Variants in DLG2 observed in about 807,000 individuals in gnomAD.
The protein encoded by DLG2 is discs large MAGUK scaffold protein 2, also known as disks large homolog 2.
A neutral mutation model predicts 132.5 loss-of-function variants in DLG2; 45 were observed. The observed-to-expected ratio is 0.34, with a 90% CI of 0.27 to 0.44. DLG2 has a LOEUF of 0.44. Ranked by LOEUF, DLG2 falls within the 20% of genes least tolerant of loss-of-function variation. The pLI, the probability that DLG2 is intolerant of heterozygous loss-of-function variation, is 1.00. For missense variants in DLG2, 1,045 were observed against 1,196.9 expected, an observed-to-expected ratio of 0.87 and a Z score of 1.87; for synonymous variants, 424 against 419.6, an observed-to-expected ratio of 1.01 and a Z score of -0.13.
intron 21 of DLG2, among the ~76,000 whole-genome samples, chr11:83,518,500 G>A (rs539056377): frequency 2.6e-5 from 4 of 152,062 alleles, no homozygotes; most frequent in African/African-American, 7.2e-5. Context: ...CTGCTTCAGC[G>A]ATGCCTCACC....
chr11:84,964,644 G>T (rs1182395347), intron 6 of DLG2, among the ~76,000 whole-genome samples: 1 of 152,116 alleles, frequency 6.6e-6, no homozygotes, highest in African/African-American at 2.4e-5. Flanking sequence ...AGCATTAAAT[G>T]AATATTAAAT....
At chr11:84,172,134 G>A (rs941000812) in intron 8 of DLG2, among the ~76,000 whole-genome samples, 1 of 152,162 alleles carries the variant, frequency 6.6e-6, no homozygotes, top group Admixed American at 6.6e-5. Flanking sequence ...ACACTTAGTA[G>A]TAAGCAAAAG....
intron 18 of DLG2, among the ~76,000 whole-genome samples, chr11:83,665,997 G>A (rs2075446775): frequency 6.6e-6 from 1 of 151,960 alleles, no homozygotes; most frequent in Admixed American, 6.6e-5. Flanking sequence ...TCTCCCCCAT[G>A]ATTTTTTTTT....
At chr11:84,936,252 ACTT>A in intron 6 of DLG2, among the ~76,000 whole-genome samples, 1 of 152,292 alleles carries the variant, frequency 6.6e-6, no homozygotes, top group South Asian at 2.1e-4. Flanking sequence ...AGTTATATAA[ACTT>A]TTACTATAAT....
At chr11:84,421,884 A>G (rs746724179) in intron 7 of DLG2, among the ~76,000 whole-genome samples, 4 of 152,076 alleles carry the variant, frequency 2.6e-5, no homozygotes, top group Non-Finnish European at 5.9e-5. Flanking sequence ...CTGCCTGTCA[A>G]ACTTCTTATG....
intron 11 of DLG2, among the ~76,000 whole-genome samples, chr11:83,989,051 T>C (rs1261176541): frequency 3.3e-5 from 5 of 152,102 alleles, no homozygotes; most frequent in Non-Finnish European, 5.9e-5. Flanking sequence ...AAAGAATGAA[T>C]GAACAAATGA....
intron 22 of DLG2, chr11:83,480,798 G>A: frequency 8.4e-6 from 5 of 592,506 alleles, no homozygotes; most frequent in South Asian, 7.6e-5. Flanking sequence ...AGACGCTTCT[G>A]GTGTGTAGGC....
chr11:84,720,528 G>T, intron 6 of DLG2: 1 of 979,786 alleles, frequency 1.0e-6, no homozygotes, highest in Non-Finnish European at 1.2e-6. Flanking sequence ...GGCCATCCCG[G>T]AGCCCCGGTG....
intron 6 of DLG2, among the ~76,000 whole-genome samples, chr11:85,101,757 A>T (rs1353087237): frequency 6.6e-6 from 1 of 152,094 alleles, no homozygotes; most frequent in African/African-American, 2.4e-5. Flanking sequence ...TCTCTGGGAG[A>T]ACATTTCGTA....
intron 5 of DLG2, among the ~76,000 whole-genome samples, chr11:85,116,860 G>A (rs546545048): frequency 6.6e-6 from 1 of 152,086 alleles, no homozygotes; most frequent in South Asian, 2.1e-4. Context: ...GATGACTAAA[G>A]ATTTAGAAAG....
intron 3 of DLG2, among the ~76,000 whole-genome samples, chr11:85,472,156 G>A (rs1161494119): frequency 6.6e-6 from 1 of 152,128 alleles, no homozygotes; most frequent in East Asian, 1.9e-4. Context: ...ATCAAGTGAT[G>A]CTTTTTCCAG....
chr11:85,084,491 C>G (rs1436507111), intron 6 of DLG2, among the ~76,000 whole-genome samples: 2 of 152,156 alleles, frequency 1.3e-5, no homozygotes, highest in African/African-American at 4.8e-5. Flanking sequence ...GTCCATTTAT[C>G]TGAGTTGAGA....
intron 6 of DLG2, among the ~76,000 whole-genome samples, chr11:84,952,293 C>G (rs1018646474): frequency 6.6e-6 from 1 of 152,188 alleles, no homozygotes; most frequent in Non-Finnish European, 1.5e-5. Context: ...CGCCTGTAAT[C>G]CCAGCACTTT....
At chr11:83,814,996 T>C (rs2048443342) in intron 17 of DLG2, 1 of 157,656 alleles carries the variant, frequency 6.3e-6, no homozygotes, top group Non-Finnish European at 1.4e-5. Context: ...TTGAAAAATG[T>C]ACTCAATTTC....
chr11:85,613,997 C>G (rs141984593), intron 2 of DLG2, among the ~76,000 whole-genome samples: 5,534 of 152,262 alleles, frequency 0.036, 156 homozygotes, highest in Admixed American at 0.053. Flanking sequence ...CCGCGAAGGT[C>G]TGCAGCTTCA....
intron 3 of DLG2, among the ~76,000 whole-genome samples, chr11:85,354,903 G>T (rs1040422218): frequency 1.3e-5 from 2 of 151,330 alleles, no homozygotes; most frequent in Non-Finnish European, 2.9e-5. Context: ...ATTAACTCTT[G>T]TCTCTTCGTT....
intron 21 of DLG2, among the ~76,000 whole-genome samples, chr11:83,515,385 AT>A (rs1450592684): frequency 6.6e-6 from 1 of 152,042 alleles, no homozygotes; most frequent in African/African-American, 2.4e-5. Context: ...CCCCTTTATC[AT>A]TTTTTATTGC....
At chr11:84,798,648 G>T (rs1172711937) in intron 6 of DLG2, among the ~76,000 whole-genome samples, 1 of 152,138 alleles carries the variant, frequency 6.6e-6, no homozygotes, top group Non-Finnish European at 1.5e-5. Context: ...AACCCCAATA[G>T]CCTGCTTGGT....
At chr11:84,491,277 A>G (rs2099164386) in intron 7 of DLG2, among the ~76,000 whole-genome samples, 1 of 152,056 alleles carries the variant, frequency 6.6e-6, no homozygotes, top group African/African-American at 2.4e-5. Context: ...TTCTCTTGAC[A>G]GTGAGTAAGT....
Sources: allele counts gnomAD v4.1 joint callset (sites outside exome capture counted in the v4.1 genomes callset), GRCh38; gene constraint gnomAD v4.1.1; transcripts MANE v1.5; gene names NCBI Gene and HGNC (gene_info 2026-07-23, HGNC 2026-07-21).